Variants in RSPO3 observed in about 807,000 individuals in gnomAD.
RSPO3 encodes R-spondin 3.
In RSPO3, 17 loss-of-function variants were observed where a neutral mutation model predicts 36.5. The ratio of observed to expected loss-of-function variants is 0.47; its 90% confidence interval spans 0.32 to 0.70. The LOEUF is 0.70. Ranked by LOEUF, RSPO3 falls within the 30% of genes least tolerant of loss-of-function variation. RSPO3 has a pLI of 0.04. For synonymous variants in RSPO3, 108 were observed against 107.0 expected (o/e 1.01, Z -0.06); for missense variants, 294 against 322.5 (o/e 0.91, Z 0.68).
intron 2 of RSPO3, 138 bp downstream of exon 2, chr6:127,148,977 G>A (rs887765525): frequency 2.1e-4 from 150 of 714,662 alleles, no homozygotes; most frequent in African/African-American, 1.3e-3. Flanking sequence ...AACCATACTT[G>A]GACTTAACCC....
At chr6:127,150,346 C>T (rs557712586) in intron 2 of RSPO3, 80 bp from the exon 3 acceptor site, 2 of 1,345,068 alleles carry the variant, frequency 1.5e-6, no homozygotes, top group Non-Finnish European at 2.0e-6. Context: ...TTGTGTGTGG[C>T]TGTGTCTGAC....
intron 4 of RSPO3, among the ~76,000 whole-genome samples, chr6:127,169,144 A>G (rs926621522): frequency 3.3e-5 from 5 of 151,852 alleles, no homozygotes; most frequent in Admixed American, 1.3e-4. Flanking sequence ...TGGTTGAACT[A>G]ATTTACCCTC....
intron 3 of RSPO3, among the ~76,000 whole-genome samples, chr6:127,155,039 G>C (rs774173454): frequency 7.2e-5 from 11 of 152,194 alleles, no homozygotes; most frequent in Non-Finnish European, 1.3e-4. Context: ...GAGTTTACCT[G>C]ATAATGAGTA....
intron 4 of RSPO3, among the ~76,000 whole-genome samples, chr6:127,161,300 T>G (rs1774705932): frequency 6.6e-6 from 1 of 152,198 alleles, no homozygotes; most frequent in African/African-American, 2.4e-5. Context: ...AATGACAGTT[T>G]TTAAGTTTCT....
chr6:127,149,766 C>T (rs1774453923), intron 2 of RSPO3, among the ~76,000 whole-genome samples: 1 of 151,976 alleles, frequency 6.6e-6, no homozygotes, highest in East Asian at 1.9e-4. Context: ...CTTTTGTGAG[C>T]CTCAGTTTCC....
chr6:127,154,027 T>C (rs189914749), intron 3 of RSPO3, among the ~76,000 whole-genome samples: 3 of 152,314 alleles, frequency 2.0e-5, no homozygotes, highest in Admixed American at 2.0e-4. Context: ...TAAAGTCATG[T>C]ATTTAATCAA....
At chr6:127,190,414 G>A (rs554569102) in intron 4 of RSPO3, among the ~76,000 whole-genome samples, 32 of 152,090 alleles carry the variant, frequency 2.1e-4, no homozygotes, top group African/African-American at 7.7e-4. Flanking sequence ...GGCAAAAAGA[G>A]CAAAACTCCG....
Position 127,198,770 on chromosome 6 carries a change from A to C in RSPO3, c.*2763A>C, listed in dbSNP as rs1305196094. Among the ~76,000 whole-genome samples, 1 of 152,126 alleles carries C rather than the reference A, an allele frequency of 6.6e-6. No individual in the cohort carries two copies. The highest frequency in any genetic ancestry group is 6.5e-5 in the Admixed American group (1 of 15,274). ...TCTCATGTGCAACAAGAAAGAGGGG[A>C]ACTGGAGATGATCACTCTAGTTCCA... is the stretch of plus-strand genomic sequence containing the variant. On this transcript the variant is annotated 3_prime_UTR_variant, in exon 5 of 5. Transcript: ENST00000356698.
intron 1 of RSPO3, among the ~76,000 whole-genome samples, chr6:127,136,939 G>C (rs1774172833): frequency 6.6e-6 from 1 of 152,152 alleles, no homozygotes; most frequent in African/African-American, 2.4e-5. Context: ...CCATGAATGA[G>C]CTTATTGTGG....
At chr6:127,176,293 G>A (rs1775054554) in intron 4 of RSPO3, among the ~76,000 whole-genome samples, 1 of 151,750 alleles carries the variant, frequency 6.6e-6, no homozygotes, top group Admixed American at 6.6e-5. Context: ...CTAAGATTAA[G>A]TAAAAGATCA....
rs893618130 is a variant in RSPO3, at chr6:127,198,744, T to C, written c.*2737T>C. Among the ~76,000 whole-genome samples the C allele has an allele frequency of 6.6e-5, 10 of 152,172 alleles. No homozygotes were observed. Among genetic ancestry groups the C allele is most frequent in the African/African-American group, 2.4e-4 (10 of 41,446 alleles). On this transcript the variant is annotated 3_prime_UTR_variant, in exon 5 of 5. Coordinates refer to ENST00000356698, the MANE Select transcript of RSPO3 (RefSeq NM_032784.5). Reference sequence around the variant, plus strand: ...TCACTTAACTCCTCTGGGTCCCCATTTCTCATGTGCAACAAGAAAGAGGGG... The same window carrying C: ...TCACTTAACTCCTCTGGGTCCCCATCTCTCATGTGCAACAAGAAAGAGGGG...
chr6:127,178,193 A>T (rs1775094360), intron 4 of RSPO3, among the ~76,000 whole-genome samples: 1 of 151,778 alleles, frequency 6.6e-6, no homozygotes, highest in Non-Finnish European at 1.5e-5. Flanking sequence ...AAGGGGAAAC[A>T]TATTGTATTA....
intron 1 of RSPO3, among the ~76,000 whole-genome samples, chr6:127,119,506 G>C (rs577601903): frequency 2.6e-5 from 4 of 152,182 alleles, no homozygotes; most frequent in Non-Finnish European, 5.9e-5. Flanking sequence ...TGCGAGGGGC[G>C]GGCGGACGCG....
intron 1 of RSPO3, among the ~76,000 whole-genome samples, chr6:127,122,567 A>G (rs144866445): frequency 6.6e-6 from 1 of 152,214 alleles, no homozygotes; most frequent in East Asian, 1.9e-4. Flanking sequence ...ATAATGCCAT[A>G]TATCTAGCAA....
At chr6:127,187,931 T>C (rs1775329181) in intron 4 of RSPO3, among the ~76,000 whole-genome samples, 7 of 152,170 alleles carry the variant, frequency 4.6e-5, no homozygotes, top group Admixed American at 4.6e-4. Flanking sequence ...TTTTTAAAAA[T>C]CTTTGGGTAC....
intron 4 of RSPO3, among the ~76,000 whole-genome samples, chr6:127,160,223 A>C (rs950966061): frequency 6.6e-6 from 1 of 152,234 alleles, no homozygotes; most frequent in Non-Finnish European, 1.5e-5. Flanking sequence ...AAGTTTTAGA[A>C]CCAGACCTAC....
chr6:127,141,826 T>C (rs1489150761), intron 1 of RSPO3, among the ~76,000 whole-genome samples: 2 of 152,196 alleles, frequency 1.3e-5, no homozygotes, highest in Non-Finnish European at 2.9e-5. Context: ...TGTAGGTGTG[T>C]GTGTGCATGC....
intron 4 of RSPO3, among the ~76,000 whole-genome samples, chr6:127,188,248 T>C (rs1332691780): frequency 2.0e-5 from 3 of 152,194 alleles, no homozygotes; most frequent in East Asian, 1.9e-4. Flanking sequence ...TAAAGGCCTA[T>C]TGGCAATGGT....
At position 127,119,114 on chromosome 6, in the gene RSPO3, A is replaced by T; in HGVS notation, c.-79A>T. The T allele has an allele frequency of 8.9e-7, 1 of 1,129,942 alleles. No individual in the cohort carries two copies. The highest frequency in any genetic ancestry group is 1.3e-6 in the Non-Finnish European group (1 of 760,306). 70.0% of individuals were successfully genotyped at this position (1,129,942 alleles called of 1,614,324 possible). A position where few individuals can be genotyped will look rare whatever the true frequency, so the allele number is the denominator to read the frequency against. On this transcript the variant is annotated 5_prime_UTR_variant, in exon 1 of 5. Transcript: ENST00000356698. The stretch of plus-strand genomic sequence containing the variant: ...CACTGTCTATATACGCCTAACACCT[A>T]CATATATTTTAAAAACATTAAATAT...
Sources: gnomAD v4.1 joint callset for allele counts (sites outside exome capture counted in the v4.1 genomes callset) on GRCh38, gnomAD v4.1.1 for gene constraint, MANE v1.5 for transcripts, NCBI Gene and HGNC (gene_info 2026-07-23, HGNC 2026-07-21) for gene names.